Variants in CAB39L observed in about 807,000 individuals in gnomAD.
The protein encoded by CAB39L is calcium-binding protein 39-like.
CAB39L carries 23 observed loss-of-function variants against 39.1 expected under a neutral mutation model. The observed-to-expected ratio is 0.59, with a 90% confidence interval of 0.42 to 0.83. CAB39L has a LOEUF of 0.83. Among genes scored for constraint, CAB39L ranks in the 40% least tolerant of loss-of-function variants. CAB39L has a pLI of 0.00. For synonymous variants in CAB39L, 126 were observed against 137.2 expected, an observed-to-expected ratio of 0.92 and a Z score of 0.57; for missense variants, 366 against 391.9, an observed-to-expected ratio of 0.93 and a Z score of 0.56.
chr13:49,406,333 A>ATTTTTTTTTTTTTTTTT (rs34078174), intron 3 of CAB39L, among the ~76,000 whole-genome samples: 2 of 90,632 alleles, frequency 2.2e-5, no homozygotes, highest in African/African-American at 4.6e-5. Context: ...ATGCCCAGCT[A>ATTTTTTTTTTTTTTTTT]TTTTTTTTTT....
At chr13:49,332,287 G>C (rs183754650) in intron 9 of CAB39L, among the ~76,000 whole-genome samples, 197 bp from the exon 10 acceptor site, 32 of 152,304 alleles carry the variant, frequency 2.1e-4, no homozygotes, top group African/African-American at 5.8e-4. Flanking sequence ...ACACTGCTTT[G>C]CTGATGTCAG....
intron 7 of CAB39L, among the ~76,000 whole-genome samples, chr13:49,347,331 T>C (rs1955210207): frequency 6.6e-6 from 1 of 152,222 alleles, no homozygotes; most frequent in African/African-American, 2.4e-5. Flanking sequence ...GCTGAATATA[T>C]GACAGCAAGA....
intron 3 of CAB39L, among the ~76,000 whole-genome samples, chr13:49,400,211 T>C (rs1288291025): frequency 6.6e-6 from 1 of 152,016 alleles, no homozygotes; most frequent in Non-Finnish European, 1.5e-5. Context: ...GATTAGAAAC[T>C]CTGCTTAGAG....
chr13:49,323,084 C>T (rs1190331431), intron 10 of CAB39L, among the ~76,000 whole-genome samples: 1 of 152,144 alleles, frequency 6.6e-6, no homozygotes, highest in Admixed American at 6.5e-5. Flanking sequence ...CTCTGCTGAG[C>T]CTCTCTGTAT....
At chr13:49,390,785 G>C (rs776223653) in intron 3 of CAB39L, among the ~76,000 whole-genome samples, 5 of 152,052 alleles carry the variant, frequency 3.3e-5, no homozygotes, top group Non-Finnish European at 7.4e-5. Context: ...TAAAGACCAA[G>C]CCATGGAAAT....
At chr13:49,335,862 T>C (rs576702973) in intron 9 of CAB39L, among the ~76,000 whole-genome samples, 1 of 152,270 alleles carries the variant, frequency 6.6e-6, no homozygotes, top group East Asian at 1.9e-4. Flanking sequence ...TAGAATATGA[T>C]TAATAAAAGG....
chr13:49,336,044 T>C (rs1349153322), intron 9 of CAB39L, among the ~76,000 whole-genome samples: 1 of 148,382 alleles, frequency 6.7e-6, no homozygotes, highest in Non-Finnish European at 1.5e-5. Flanking sequence ...TGTGTCAAAA[T>C]AGAATATACT....
chr13:49,373,910 T>G (rs984013968), intron 5 of CAB39L, among the ~76,000 whole-genome samples: 1 of 152,234 alleles, frequency 6.6e-6, no homozygotes, highest in African/African-American at 2.4e-5. Flanking sequence ...GGAGAGTTGC[T>G]GCCTGCAGGC....
At chr13:49,362,968 A>G (rs548100741) in intron 5 of CAB39L, among the ~76,000 whole-genome samples, 25 of 152,314 alleles carry the variant, frequency 1.6e-4, no homozygotes, top group African/African-American at 5.8e-4. Context: ...TGAAGGAAAC[A>G]AATCTTTTAC....
chr13:49,329,455 C>A (rs1435467867), intron 10 of CAB39L, among the ~76,000 whole-genome samples: 1 of 149,934 alleles, frequency 6.7e-6, no homozygotes, highest in Non-Finnish European at 1.5e-5. Context: ...CATGGAGACT[C>A]CTGAGGGGTG....
chr13:49,318,806 T>TTG (rs1225486975), intron 10 of CAB39L, among the ~76,000 whole-genome samples: 1 of 151,484 alleles, frequency 6.6e-6, no homozygotes, highest in African/African-American at 2.4e-5. Flanking sequence ...ATGGAATACA[T>TTG]TGTTCAAACA....
At chr13:49,358,261 C>T (rs981977433) in intron 6 of CAB39L, among the ~76,000 whole-genome samples, 1 of 152,116 alleles carries the variant, frequency 6.6e-6, no homozygotes, top group African/African-American at 2.4e-5. Context: ...AATCATAGTA[C>T]ACTACTTTGC....
At chr13:49,435,929 T>C (rs1038869801) in intron 1 of CAB39L, among the ~76,000 whole-genome samples, 64 of 152,258 alleles carry the variant, frequency 4.2e-4, no homozygotes, top group African/African-American at 1.4e-3. Context: ...GTTAGCTCTT[T>C]GTGATATAAG....
intron 6 of CAB39L, among the ~76,000 whole-genome samples, chr13:49,355,117 T>C (rs1381556583): frequency 6.6e-6 from 1 of 151,766 alleles, no homozygotes; most frequent in Admixed American, 6.6e-5. Flanking sequence ...GGCTCATGCA[T>C]ATAATCCCAG....
At chr13:49,427,798 G>A (rs944139949) in intron 3 of CAB39L, among the ~76,000 whole-genome samples, 8 of 152,190 alleles carry the variant, frequency 5.3e-5, no homozygotes, top group Non-Finnish European at 7.3e-5. Flanking sequence ...CAGTTCAGGA[G>A]GTTGGGAAGC....
chr13:49,362,869 A>G (rs1170352719), intron 5 of CAB39L, among the ~76,000 whole-genome samples: 1 of 152,214 alleles, frequency 6.6e-6, no homozygotes, highest in African/African-American at 2.4e-5. Context: ...AACAAATAAC[A>G]TACAATGGAG....
At chr13:49,352,835 T>C (rs1170028264) in intron 6 of CAB39L, among the ~76,000 whole-genome samples, 1 of 152,220 alleles carries the variant, frequency 6.6e-6, no homozygotes, top group Non-Finnish European at 1.5e-5. Context: ...GGAACTTTTA[T>C]GATACTATAA....
At chr13:49,376,839 A>G in intron 5 of CAB39L, 128 bp downstream of exon 5, 1 of 726,634 alleles carries the variant, frequency 1.4e-6, no homozygotes, top group Non-Finnish European at 2.1e-6. Context: ...TTTTAGAAAA[A>G]ACTTTAAAAA....
chr13:49,322,197 C>T (rs1464805010), intron 10 of CAB39L, among the ~76,000 whole-genome samples: 1 of 152,138 alleles, frequency 6.6e-6, no homozygotes, highest in Non-Finnish European at 1.5e-5. Flanking sequence ...CTACTTTCTG[C>T]CCCTAGAGCT....
Sources: allele counts gnomAD v4.1 joint callset (sites outside exome capture counted in the v4.1 genomes callset), GRCh38; gene constraint gnomAD v4.1.1; transcripts MANE v1.5; gene names NCBI Gene and HGNC (gene_info 2026-07-23, HGNC 2026-07-21).